FMN2: variants seen among roughly 807,000 people sequenced by gnomAD.
FMN2 encodes the protein formin-2.
In FMN2, 51 loss-of-function variants were observed where a neutral mutation model predicts 142.3. That is an observed-to-expected ratio of 0.36 (90% confidence interval 0.29 to 0.45). The LOEUF (loss-of-function observed/expected upper bound fraction) is 0.45. Among genes scored for constraint, FMN2 ranks in the 20% least tolerant of loss-of-function variants. The pLI is 1.00. For synonymous variants in FMN2, 882 were observed against 869.8 expected (o/e 1.01, Z -0.25); for missense variants, 1,936 against 2,122.8 (o/e 0.91, Z 1.73).
chr1:240,354,157 G>T (rs1173077504), intron 13 of FMN2, among the ~76,000 whole-genome samples: 1 of 152,074 alleles, frequency 6.6e-6, no homozygotes, highest in African/African-American at 2.4e-5. Context: ...GCTTTTTAAG[G>T]CTGTGAGGAG....
chr1:240,324,710 AG>A (rs1240611977), intron 8 of FMN2, among the ~76,000 whole-genome samples: 13 of 139,672 alleles, frequency 9.3e-5, no homozygotes, highest in Non-Finnish European at 2.0e-4. Context: ...GGAGGGAGGG[AG>A]GGAAGAAAGA....
chr1:240,468,912 C>T (rs1676721235), intron 16 of FMN2, among the ~76,000 whole-genome samples: 1 of 152,188 alleles, frequency 6.6e-6, no homozygotes, highest in African/African-American at 2.4e-5. Flanking sequence ...ACTCTGGCAA[C>T]ATAGTCGACC....
chr1:240,207,219 C>G lies in FMN2; in HGVS notation c.2407C>G (p.Pro803Ala), dbSNP rs1394953640. The change falls in exon 5 of 18, where the codon CCC becomes GCC. Residue 803 changes from proline to alanine, a missense_variant. Physicochemically the swap from Pro to Ala is conservative, Grantham distance 27. This residue lies in a region of FMN2 where 478 missense variants were observed against 462.8 expected (regional missense o/e 1.03). Transcript: ENST00000319653. ...RISVQLDSHQ[P>A]TQSISQPPPP... ...ATCAGTCCAGCTCGACAGCCATCAG[C>G]CCACACAGAGCATCTCACAGCCTCC... 1.9e-6 allele frequency: 3 copies of G among 1,614,022 alleles called. No homozygotes were observed.
At chr1:240,281,002 T>C (rs1669378514) in intron 7 of FMN2, among the ~76,000 whole-genome samples, 1 of 152,142 alleles carries the variant, frequency 6.6e-6, no homozygotes, top group African/African-American at 2.4e-5. Flanking sequence ...TATCCATTTT[T>C]TTCCCTCCTG....
At chr1:240,435,803 G>A (rs993803618) in intron 15 of FMN2, among the ~76,000 whole-genome samples, 1 of 152,154 alleles carries the variant, frequency 6.6e-6, no homozygotes, top group African/African-American at 2.4e-5. Flanking sequence ...CTTTCAAAAT[G>A]TTGCAAGATA....
chr1:240,251,308 C>T (rs550516817), intron 6 of FMN2, among the ~76,000 whole-genome samples: 53 of 151,530 alleles, frequency 3.5e-4, no homozygotes, highest in African/African-American at 1.2e-3. Flanking sequence ...TTTTTTATTT[C>T]TTCCTTAATT....
chr1:240,363,570 C>T (rs923627916), intron 14 of FMN2, among the ~76,000 whole-genome samples: 2 of 152,152 alleles, frequency 1.3e-5, no homozygotes, highest in East Asian at 1.9e-4. Flanking sequence ...CATCTTGTCT[C>T]GTGTGCGTGC....
intron 10 of FMN2, among the ~76,000 whole-genome samples, chr1:240,330,083 A>G (rs908192587): frequency 2.6e-5 from 4 of 152,230 alleles, no homozygotes; most frequent in African/African-American, 7.2e-5. Flanking sequence ...TGCAAAGTCA[A>G]GTTAAACACA....
chr1:240,372,676 G>A (rs1195208455), intron 14 of FMN2, among the ~76,000 whole-genome samples: 9 of 137,880 alleles, frequency 6.5e-5, no homozygotes, highest in Admixed American at 6.0e-4. Context: ...TTGAAAGCTT[G>A]TATACAGGCA....
chr1:240,467,148 ACTG>A (rs1676649085), intron 16 of FMN2, among the ~76,000 whole-genome samples: 1 of 152,172 alleles, frequency 6.6e-6, no homozygotes. Flanking sequence ...TGGGTCAGGG[ACTG>A]GGCAGACTGC....
intron 7 of FMN2, among the ~76,000 whole-genome samples, chr1:240,266,934 A>G (rs1228891705): frequency 6.6e-6 from 1 of 152,092 alleles, no homozygotes; most frequent in Non-Finnish European, 1.5e-5. Context: ...TTCATCACAT[A>G]TAAAAATTAA....
intron 1 of FMN2, among the ~76,000 whole-genome samples, chr1:240,107,695 T>C (rs779743630): frequency 6.6e-6 from 1 of 152,160 alleles, no homozygotes; most frequent in Non-Finnish European, 1.5e-5. Context: ...CTATTTATTT[T>C]TGTCATTTTC....
intron 6 of FMN2, among the ~76,000 whole-genome samples, chr1:240,234,561 G>A (rs957905941): frequency 6.6e-5 from 10 of 152,088 alleles, no homozygotes; most frequent in Non-Finnish European, 1.5e-5. Context: ...CATATATCTT[G>A]CTTGCCATAA....
intron 7 of FMN2, among the ~76,000 whole-genome samples, chr1:240,279,772 C>G (rs185688986): frequency 1.2e-3 from 184 of 152,238 alleles, no homozygotes; most frequent in African/African-American, 4.3e-3. Context: ...GTAATTTTTA[C>G]ACATCAACAT....
chr1:240,177,587 G>A (rs543954158), intron 2 of FMN2, among the ~76,000 whole-genome samples: 3 of 152,098 alleles, frequency 2.0e-5, no homozygotes, highest in Non-Finnish European at 4.4e-5. Context: ...AAAGATGCTA[G>A]TTCAGGGAGT....
At chr1:240,161,485 A>G (rs991732877) in intron 2 of FMN2, among the ~76,000 whole-genome samples, 5 of 152,006 alleles carry the variant, frequency 3.3e-5, no homozygotes, top group South Asian at 2.1e-4. Context: ...GTGAGGCGAC[A>G]TTGTGCCACT....
chr1:240,144,947 C>T (rs377176808), intron 2 of FMN2: 131 of 1,290,698 alleles, frequency 1.0e-4, no homozygotes, highest in East Asian at 2.1e-4. Context: ...GCCTACTAGC[C>T]GATACTTGAG....
intron 14 of FMN2, among the ~76,000 whole-genome samples, chr1:240,391,055 A>C (rs2103096160): frequency 6.6e-6 from 1 of 152,346 alleles, no homozygotes; most frequent in South Asian, 2.1e-4. Context: ...AACTCAGAGC[A>C]GATTTTGTAT....
intron 16 of FMN2, among the ~76,000 whole-genome samples, chr1:240,466,011 C>G (rs1441109563): frequency 1.3e-5 from 2 of 152,080 alleles, no homozygotes; most frequent in Non-Finnish European, 2.9e-5. Context: ...AAAAATACAT[C>G]TTTATTAGGA....
Sources: allele counts gnomAD v4.1 joint callset (sites outside exome capture counted in the v4.1 genomes callset), GRCh38; gene constraint gnomAD v4.1.1; regional missense constraint gnomAD v4.1.1; transcripts MANE v1.5; gene names NCBI Gene and HGNC (gene_info 2026-07-23, HGNC 2026-07-21).